The following MTHFS variants were observed in gnomAD, a reference collection of about 807,000 sequenced individuals.
The protein encoded by MTHFS is 5-formyltetrahydrofolate cyclo-ligase.
A neutral mutation model predicts 12.7 loss-of-function variants in MTHFS; 7 were observed. The observed-to-expected ratio is 0.55, with a 90% confidence interval of 0.31 to 1.03. The LOEUF is 1.03. Ranked by LOEUF, MTHFS falls within the 50% of genes least tolerant of loss-of-function variation. The pLI, the probability that MTHFS is intolerant of heterozygous loss-of-function variation, is 0.05. For missense variants in MTHFS, 252 were observed against 258.1 expected (o/e 0.98, Z 0.16); for synonymous variants, 100 against 97.1 (o/e 1.03, Z -0.18).
chr15:79,857,836 G>A (rs901001955), intron 2 of MTHFS, among the ~76,000 whole-genome samples: 1 of 151,964 alleles, frequency 6.6e-6, no homozygotes. Context: ...CCAACACGGT[G>A]AAACCCCCGT....
Position 79,844,635 on chromosome 15 carries a change from GT to G in MTHFS, c.*574del, listed in dbSNP as rs1166355181. The stretch of plus-strand genomic sequence containing the variant: ...GCAGTGATGGTAACCAATCAGTGGA[GT>G]AAAAGTATTTAAATCATAAAAGGTT... On this transcript the variant is annotated 3_prime_UTR_variant, in exon 3 of 3. Transcript: ENST00000258874. 6.6e-6 allele frequency among the ~76,000 whole-genome samples: 1 copy of G among 152,084 alleles called. No homozygotes were observed. The highest frequency in any genetic ancestry group is 1.5e-5 in the Non-Finnish European group (1 of 68,020).
upstream of MTHFS, chr15:79,897,187 C>T: frequency 2.1e-6 from 1 of 483,806 alleles, no homozygotes; most frequent in Non-Finnish European, 3.5e-6. Context: ...GGGACCCAGC[C>T]CTCGTGCGGT....
At chr15:79,852,860 A>T (rs2033740416) in intron 2 of MTHFS, among the ~76,000 whole-genome samples, 1 of 152,188 alleles carries the variant, frequency 6.6e-6, no homozygotes, top group Admixed American at 6.5e-5. Context: ...GCTTTCACTC[A>T]ATCTTATGAA....
chr15:79,863,591 C>T (rs778697676), intron 2 of MTHFS, among the ~76,000 whole-genome samples: 6 of 152,150 alleles, frequency 3.9e-5, no homozygotes, highest in Non-Finnish European at 8.8e-5. Flanking sequence ...TGAATCCCAC[C>T]GCAACACCAC....
At chr15:79,884,156 CT>C (rs1217759553) in intron 2 of MTHFS, among the ~76,000 whole-genome samples, 1 of 152,182 alleles carries the variant, frequency 6.6e-6, no homozygotes, top group Non-Finnish European at 1.5e-5. Context: ...GTTAAGTGAT[CT>C]TCCCAAGGTA....
chr15:79,886,310 T>C (rs62027997), intron 2 of MTHFS, among the ~76,000 whole-genome samples: 17,711 of 152,268 alleles, frequency 0.12, 1,176 homozygotes, highest in Middle Eastern at 0.18. Flanking sequence ...AAGTTGCTGA[T>C]GCAAGTAAAA....
Position 79,859,773 on chromosome 15 carries a change from G to C in MTHFS, c.380-14331C>G, listed in dbSNP as rs143057121. On this transcript the variant is annotated intron_variant, in intron 2 of 2. Coordinates refer to ENST00000258874, the MANE Select transcript of MTHFS (RefSeq NM_006441.4). ...GCAGAGGTTGCAGTGAGCCAAGATTGTGCCACTGCACTCCAGGCTGGAAGA... is the reference window on the plus strand; with the variant it reads ...GCAGAGGTTGCAGTGAGCCAAGATTCTGCCACTGCACTCCAGGCTGGAAGA... 5.2e-3 allele frequency among the ~76,000 whole-genome samples: 745 copies of C among 142,268 alleles called. 3 individuals are homozygous for C. Among genetic ancestry groups the C allele is most frequent in the African/African-American group, 0.018 (675 of 37,708 alleles). 93.3% of individuals were successfully genotyped at this position (142,268 alleles called of 152,430 possible).
intron 1 of MTHFS, among the ~76,000 whole-genome samples, chr15:79,889,807 T>C (rs1350235774): frequency 4.6e-5 from 7 of 152,154 alleles, no homozygotes; most frequent in Non-Finnish European, 1.0e-4. Flanking sequence ...TTCTACCCAT[T>C]TAAAGCCCAA....
intron 2 of MTHFS, chr15:79,877,439 GC>G (rs2034217809): frequency 6.6e-6 from 1 of 152,152 alleles, no homozygotes; most frequent in Non-Finnish European, 1.5e-5. Context: ...GGTGGCTCAT[GC>G]CTGTAATCCC....
At chr15:79,861,522 C>CT (rs1392877250) in intron 2 of MTHFS, among the ~76,000 whole-genome samples, 1 of 152,214 alleles carries the variant, frequency 6.6e-6, no homozygotes, top group East Asian at 1.9e-4. Context: ...GTGGCATAAC[C>CT]TTTTTTAGTA....
chr15:79,896,100 G>C (rs939950031), intron 1 of MTHFS, among the ~76,000 whole-genome samples: 4 of 152,348 alleles, frequency 2.6e-5, no homozygotes, highest in Middle Eastern at 3.4e-3. Context: ...TGAAAGTAAT[G>C]AAACAGAGGT....
chr15:79,874,039 G>T (rs139521510), intron 2 of MTHFS, among the ~76,000 whole-genome samples: 2 of 152,186 alleles, frequency 1.3e-5, no homozygotes, highest in African/African-American at 2.4e-5. Context: ...GCTAAAACTT[G>T]AATGCACTCT....
chr15:79,854,199 G>A lies in MTHFS; in HGVS notation c.380-8757C>T, dbSNP rs141872855. Among the ~76,000 whole-genome samples, 887 of 152,310 alleles carry A rather than the reference G, an allele frequency of 5.8e-3. 13 individuals are homozygous for A. Among genetic ancestry groups the A allele is most frequent in the African/African-American group, 0.02 (841 of 41,570 alleles). On this transcript the variant is annotated intron_variant, in intron 2 of 2. Transcript: ENST00000258874. Reference sequence around the variant, plus strand: ...GTCAGGGCCATGGTGAGGGACAGAAGGCACACTCAAACTAGGGAAACTAGA... The same window carrying A: ...GTCAGGGCCATGGTGAGGGACAGAAAGCACACTCAAACTAGGGAAACTAGA...
chr15:79,873,708 C>A (rs2034143100), intron 2 of MTHFS, among the ~76,000 whole-genome samples: 1 of 152,212 alleles, frequency 6.6e-6, no homozygotes, highest in African/African-American at 2.4e-5. Context: ...TCAAGAATGG[C>A]AGTTTTACCA....
intron 2 of MTHFS, among the ~76,000 whole-genome samples, chr15:79,864,781 AC>A (rs538981653): frequency 2.6e-4 from 40 of 152,242 alleles, no homozygotes; most frequent in African/African-American, 9.4e-4. Context: ...AACAAATACA[AC>A]ACTTTAGAAA....
At chr15:79,852,081 A>G (rs1312075545) in intron 2 of MTHFS, among the ~76,000 whole-genome samples, 1 of 152,234 alleles carries the variant, frequency 6.6e-6, no homozygotes, top group Admixed American at 6.5e-5. Flanking sequence ...GTGGCTGATT[A>G]CAGAGAGACA....
intron 2 of MTHFS, among the ~76,000 whole-genome samples, chr15:79,868,865 A>G (rs2034056228): frequency 6.6e-6 from 1 of 152,338 alleles, no homozygotes; most frequent in East Asian, 1.9e-4. Context: ...AAAGCTCCTA[A>G]AAGTATAGAT....
chr15:79,848,389 T>C lies in MTHFS; in HGVS notation c.380-2947A>G, dbSNP rs146041094. On this transcript the variant is annotated intron_variant, in intron 2 of 2. Coordinates refer to ENST00000258874, the MANE Select transcript of MTHFS (RefSeq NM_006441.4). ...GCCATTCAATGGATACAGAGTTTCA[T>C]TCATGGAAGATGAAAAAGTTCTAGA... is the stretch of plus-strand genomic sequence containing the variant. Among the ~76,000 whole-genome samples the C allele has an allele frequency of 1.8e-4, 28 of 152,342 alleles. No homozygotes were observed. In the East Asian group the frequency reaches 5.0e-3, roughly 27 times the overall value.
chr15:79,864,221 A>G (rs1405954229), intron 2 of MTHFS, among the ~76,000 whole-genome samples: 1 of 152,158 alleles, frequency 6.6e-6, no homozygotes, highest in Non-Finnish European at 1.5e-5. Flanking sequence ...GTAGCTACTA[A>G]TAATTTACCC....
Sources: gnomAD v4.1 joint callset for allele counts (sites outside exome capture counted in the v4.1 genomes callset) on GRCh38, gnomAD v4.1.1 for gene constraint, MANE v1.5 for transcripts, NCBI Gene and HGNC (gene_info 2026-07-23, HGNC 2026-07-21) for gene names.